The following RBM20 variants were observed in gnomAD, a reference collection of about 807,000 sequenced individuals.
RBM20 encodes RNA-binding protein 20.
Under a neutral mutation model 110.1 loss-of-function variants are expected in RBM20, and 51 were observed. That is an observed-to-expected ratio of 0.46 (90% CI 0.37 to 0.59). RBM20 has a LOEUF of 0.59. Ranked by LOEUF, RBM20 falls within the 20% of genes least tolerant of loss-of-function variation. RBM20 has a pLI of 0.00. For synonymous variants in RBM20, 589 were observed against 618.2 expected, an observed-to-expected ratio of 0.95 and a Z score of 0.70; for missense variants, 1,512 against 1,574.9, an observed-to-expected ratio of 0.96 and a Z score of 0.68.
rs1276483837 is a variant in RBM20, at chr10:110,781,618, C to G, written c.1009C>G (p.Pro337Ala). 1.3e-6 allele frequency: 2 copies of G among 1,550,480 alleles called. No individual in the cohort carries two copies. Among genetic ancestry groups the G allele is most frequent in the South Asian group, 1.2e-5 (1 of 84,044 alleles). The change falls in exon 2 of 14, where the codon CCC (proline) becomes GCC (alanine). Residue 337 changes from proline to alanine, a missense_variant. Transcript: ENST00000369519. ...GQSKPDLTAG[P>A]MWPPPHNQPY... is the part of the protein sequence containing the mutation. ...AAGCAAGCCTGATCTCACAGCAGGT[C>G]CCATGTGGCCTCCACCCCACAACCA...
intron 1 of RBM20, among the ~76,000 whole-genome samples, chr10:110,664,541 G>C (rs1183424766): frequency 1.3e-5 from 2 of 152,156 alleles, no homozygotes; most frequent in Non-Finnish European, 2.9e-5. Flanking sequence ...GAGGTCAGGA[G>C]TTTGAGACCA....
At position 110,821,523 on chromosome 10, in the gene RBM20, C is replaced by T. The variant is rs587781138; in HGVS notation, c.2904C>T (p.Ala968=). ...AQDFPKEGVK[A]VGNGAAEISL... ...ATTTCCCCAAGGAAGGAGTCAAGGC[C>T]GTAGGGAATGGGGCTGCAGAAATCA... Residue 968 remains alanine, a synonymous_variant, in exon 11 of 14, where the codon GCC becomes GCT. Transcript: ENST00000369519. 1.9e-5 allele frequency: 30 copies of T among 1,551,850 alleles called. No homozygotes were observed. The highest frequency in any genetic ancestry group is 1.2e-4 in the East Asian group (5 of 40,940).
At chr10:110,654,236 G>A (rs564329943) in intron 1 of RBM20, among the ~76,000 whole-genome samples, 8 of 152,202 alleles carry the variant, frequency 5.3e-5, no homozygotes, top group Admixed American at 1.3e-4. Context: ...TAGAATGCAT[G>A]AGTTTGGACA....
chr10:110,813,698 G>A lies in RBM20; in HGVS notation c.2550+751G>A, dbSNP rs186481148. Among the ~76,000 whole-genome samples, 641 of 152,220 alleles carry A rather than the reference G, an allele frequency of 4.2e-3. 5 individuals are homozygous for A. Among genetic ancestry groups the A allele is most frequent in the African/African-American group, 0.014 (601 of 41,510 alleles). On this transcript the variant is annotated intron_variant, in intron 9 of 13. Coordinates refer to ENST00000369519, the MANE Select transcript of RBM20 (RefSeq NM_001134363.3). ...AAAAATACAAAAATTAGCCAGGCAA[G>A]GTGGTGCACCCCTGTAGTCCCAGCT...
intron 1 of RBM20, among the ~76,000 whole-genome samples, chr10:110,686,885 A>C (rs1196832761): frequency 2.6e-5 from 4 of 151,952 alleles, no homozygotes; most frequent in Non-Finnish European, 4.4e-5. Context: ...CTAAAAATAT[A>C]AAAATTAGCC....
intron 1 of RBM20, among the ~76,000 whole-genome samples, chr10:110,655,589 G>C (rs901789065): frequency 1.3e-5 from 2 of 152,122 alleles, no homozygotes; most frequent in South Asian, 2.1e-4. Flanking sequence ...AGTGTCCAAG[G>C]CTCCTATTCA....
chr10:110,756,871 C>T (rs1407034068), intron 1 of RBM20: 1 of 152,202 alleles, frequency 6.6e-6, no homozygotes, highest in Non-Finnish European at 1.5e-5. Flanking sequence ...TGCCAATTCT[C>T]TCAAAATTGA....
At chr10:110,708,565 A>G (rs939280699) in intron 1 of RBM20, among the ~76,000 whole-genome samples, 3 of 152,198 alleles carry the variant, frequency 2.0e-5, no homozygotes, top group Non-Finnish European at 4.4e-5. Context: ...TTGCTAGATA[A>G]AAACAGGTGA....
chr10:110,670,296 C>G (rs1862238940), intron 1 of RBM20, among the ~76,000 whole-genome samples: 1 of 152,260 alleles, frequency 6.6e-6, no homozygotes, highest in Admixed American at 6.5e-5. Flanking sequence ...AGAGTAGATT[C>G]AAGAAATGAT....
At chr10:110,704,518 C>G (rs1862807416) in intron 1 of RBM20, among the ~76,000 whole-genome samples, 1 of 152,222 alleles carries the variant, frequency 6.6e-6, no homozygotes, top group Non-Finnish European at 1.5e-5. Context: ...TACCTCCCAA[C>G]AGTAAATGGA....
intron 1 of RBM20, among the ~76,000 whole-genome samples, chr10:110,687,995 TTGTGTGTGTGTG>T (rs60479740): frequency 0.11 from 16,229 of 145,458 alleles, 949 homozygotes; most frequent in South Asian, 0.15. Flanking sequence ...CTAAATGGTT[TTGTGTGTGTGTG>T]TGTGTGTGTG....
chr10:110,767,809 A>G (rs1844126244), intron 1 of RBM20, among the ~76,000 whole-genome samples: 2 of 149,616 alleles, frequency 1.3e-5, no homozygotes, highest in South Asian at 4.3e-4. Flanking sequence ...CCTAGATGGG[A>G]TGGCGGCGGG....
rs915603686 is a variant in RBM20, at chr10:110,705,466, G to A, written c.191+60821G>A. On this transcript the variant is annotated intron_variant, in intron 1 of 13. Transcript: ENST00000369519. Reference sequence around the variant, plus strand: ...CCAAATCTGTTTTAACCAGTGAATCGATAATACTGCAGGGATTGGAGATAC... The same window carrying A: ...CCAAATCTGTTTTAACCAGTGAATCAATAATACTGCAGGGATTGGAGATAC... 2.0e-5 allele frequency among the ~76,000 whole-genome samples: 3 copies of A among 152,244 alleles called. No homozygotes were observed. The East Asian group carries it at 5.8e-4, about 29-fold the overall frequency.
At chr10:110,649,216 C>A (rs1861912396) in intron 1 of RBM20, among the ~76,000 whole-genome samples, 1 of 151,874 alleles carries the variant, frequency 6.6e-6, no homozygotes, top group African/African-American at 2.4e-5. Flanking sequence ...TATCCAGTTT[C>A]TTTCTTTCCT....
chr10:110,779,592 G>T (rs1385455804), intron 1 of RBM20, among the ~76,000 whole-genome samples: 1 of 152,218 alleles, frequency 6.6e-6, no homozygotes. Context: ...CCTGGGGCTT[G>T]TGATTGACAT....
Position 110,799,845 on chromosome 10 carries a change from A to G in RBM20, c.1727A>G (p.Glu576Gly), listed in dbSNP as rs1423156198. The stretch of plus-strand genomic sequence containing the variant: ...CAGGCCATGGTCCAGTATTATCAAG[A>G]AAAATCTGCTGTGATCAATGGTGAG... ...AAQAMVQYYQ[E>G]KSAVINGEKL... Residue 576 changes from glutamate (E) to glycine (G), a missense_variant, in exon 7 of 14, where the codon GAA (glutamate) becomes GGA (glycine). Around this residue, in one of 3 missense-constraint regions of RBM20, gnomAD observed 1,149 missense variants for 1,169.4 expected, o/e 0.98. Transcript: ENST00000369519. 2 of 1,551,988 alleles carry G rather than the reference A, an allele frequency of 1.3e-6. No individual in the cohort carries two copies. The highest frequency in any genetic ancestry group is 8.7e-7 in the Non-Finnish European group (1 of 1,146,990).
intron 1 of RBM20, among the ~76,000 whole-genome samples, chr10:110,752,990 G>A (rs1216337155): frequency 6.9e-6 from 1 of 144,146 alleles, no homozygotes; most frequent in Non-Finnish European, 1.5e-5. Flanking sequence ...CCAGGCTGGA[G>A]TGCAGCAGTG....
chr10:110,823,182 G>T (rs1045249374), intron 11 of RBM20, among the ~76,000 whole-genome samples: 1 of 152,148 alleles, frequency 6.6e-6, no homozygotes. Flanking sequence ...GGAGGCATGG[G>T]GGGTGGGGGG....
At chr10:110,710,173 G>A (rs929821858) in intron 1 of RBM20, among the ~76,000 whole-genome samples, 9 of 152,118 alleles carry the variant, frequency 5.9e-5, no homozygotes, top group African/African-American at 2.2e-4. Flanking sequence ...GCTGACGAGT[G>A]AAAACAGATA....
Sources: gnomAD v4.1 joint callset for allele counts (sites outside exome capture counted in the v4.1 genomes callset) on GRCh38, gnomAD v4.1.1 for gene constraint, gnomAD v4.1.1 regional missense constraint, MANE v1.5 for transcripts, NCBI Gene and HGNC (gene_info 2026-07-23, HGNC 2026-07-21) for gene names.